The following IRAK1BP1 variants were observed in gnomAD, a reference collection of about 807,000 sequenced individuals.
IRAK1BP1 encodes the protein interleukin-1 receptor-associated kinase 1-binding protein 1.
IRAK1BP1 carries 24 observed loss-of-function variants against 28.0 expected under a neutral mutation model. The ratio of observed to expected loss-of-function variants is 0.86; its 90% CI spans 0.62 to 1.20. The LOEUF (loss-of-function observed/expected upper bound fraction) is 1.20, where lower values mean the gene tolerates loss of function less well. IRAK1BP1 is among the 50% of genes most tolerant of loss of function. The pLI, the probability that IRAK1BP1 is intolerant of heterozygous loss-of-function variation, is 0.00. For synonymous variants in IRAK1BP1, 131 were observed against 116.3 expected, an observed-to-expected ratio of 1.13 and a Z score of -0.81; for missense variants, 336 against 316.7, an observed-to-expected ratio of 1.06 and a Z score of -0.46.
At chr6:78,879,434 AAAAC>A (rs1435347629) in intron 1 of IRAK1BP1, among the ~76,000 whole-genome samples, 2 of 152,194 alleles carry the variant, frequency 1.3e-5, no homozygotes. Flanking sequence ...TTCAGAGAGA[AAAAC>A]AATAGAAGTG....
At chr6:78,978,755 G>C in the IRAK1BP1 span, 1 of 1,481,716 alleles carries the variant, frequency 6.7e-7, no homozygotes, top group South Asian at 1.2e-5. Context: ...AATCAAAAAA[G>C]CATTAATCCA....
chr6:78,903,668 A>G (rs1772180469), downstream of IRAK1BP1, among the ~76,000 whole-genome samples: 1 of 152,018 alleles, frequency 6.6e-6, no homozygotes, highest in Non-Finnish European at 1.5e-5. Context: ...TTAAAAAAAA[A>G]AAAGCCTCCC....
At chr6:78,970,557 T>G in the IRAK1BP1 span, among the ~76,000 whole-genome samples, 1 of 152,138 alleles carries the variant, frequency 6.6e-6, no homozygotes, top group Non-Finnish European at 1.5e-5. Flanking sequence ...ATAACTAAAT[T>G]TTGTACCCAA....
chr6:78,970,730 A>G, the IRAK1BP1 span: 1 of 1,196,310 alleles, frequency 8.4e-7, no homozygotes, highest in Non-Finnish European at 1.2e-6. Context: ...ATTTTCTCCA[A>G]ATTCCATAAT....
intron 4 of IRAK1BP1, among the ~76,000 whole-genome samples, chr6:78,930,886 G>A (rs750000695): frequency 4.0e-5 from 6 of 151,790 alleles, no homozygotes; most frequent in Non-Finnish European, 5.9e-5. Flanking sequence ...AGCCGAGATC[G>A]CACCACTGCA....
At chr6:78,880,438 A>G (rs1247987668) in intron 1 of IRAK1BP1, among the ~76,000 whole-genome samples, 2 of 152,246 alleles carry the variant, frequency 1.3e-5, no homozygotes, top group Admixed American at 1.3e-4. Context: ...AGCACAGTCC[A>G]TGAAACAAAC....
At chr6:78,968,712 T>C in the IRAK1BP1 span, among the ~76,000 whole-genome samples, 7 of 147,680 alleles carry the variant, frequency 4.7e-5, no homozygotes, top group Non-Finnish European at 9.0e-5. Flanking sequence ...TCCTTCCTTA[T>C]ATAATTTTGT....
the IRAK1BP1 span, among the ~76,000 whole-genome samples, chr6:78,962,472 G>A: frequency 1.2e-4 from 19 of 152,024 alleles, no homozygotes; most frequent in Non-Finnish European, 4.4e-5. Context: ...CTTCAGATTT[G>A]AATATTCCTC....
the IRAK1BP1 span, among the ~76,000 whole-genome samples, chr6:78,977,949 T>G: frequency 6.6e-6 from 1 of 152,164 alleles, no homozygotes; most frequent in Non-Finnish European, 1.5e-5. Flanking sequence ...ATTCCCAATT[T>G]ATTTATGGTC....
chr6:78,955,902 A>C, the IRAK1BP1 span: 1 of 285,012 alleles, frequency 3.5e-6, no homozygotes, highest in South Asian at 1.6e-4. Flanking sequence ...ATTACACCAA[A>C]CCCAAGTCTC....
At chr6:78,906,201 C>T, downstream of IRAK1BP1, among the ~76,000 whole-genome samples, 1 of 151,854 alleles carries the variant, frequency 6.6e-6, no homozygotes, top group Non-Finnish European at 1.5e-5. Context: ...ATAAATTATC[C>T]TCAGGTATAT....
chr6:78,867,952 C>A, intron 1 of IRAK1BP1, 61 bp downstream of exon 1: 1 of 1,466,996 alleles, frequency 6.8e-7, no homozygotes, highest in South Asian at 1.4e-5. Context: ...GGCAGATGGT[C>A]GGGCCCCACA....
At chr6:78,926,161 T>C (rs1338207814) in intron 4 of IRAK1BP1, among the ~76,000 whole-genome samples, 1 of 151,928 alleles carries the variant, frequency 6.6e-6, no homozygotes, top group Admixed American at 6.6e-5. Context: ...TACTAAAAAG[T>C]CAAAAAACAA....
chr6:78,931,358 G>C (rs1179587390), intron 4 of IRAK1BP1, among the ~76,000 whole-genome samples: 1 of 151,872 alleles, frequency 6.6e-6, no homozygotes, highest in African/African-American at 2.4e-5. Flanking sequence ...GTTGCAGTGA[G>C]CTACGATTTG....
At chr6:78,951,056 T>C (rs1774112724), downstream of IRAK1BP1, among the ~76,000 whole-genome samples, 1 of 152,132 alleles carries the variant, frequency 6.6e-6, no homozygotes, top group Non-Finnish European at 1.5e-5. Context: ...TTTAATTGAG[T>C]TCAATGCATT....
Position 78,867,779 on chromosome 6 carries a change from C to G in IRAK1BP1, c.203C>G (p.Ala68Gly). ...TSEVSAGPDR[A>G]QVVVRVSSTK... ...GAAGTGTCTGCGGGCCCTGACCGGGCGCAGGTGGTGGTGCGAGTGAGCAGC... is the reference window on the plus strand; with the variant it reads ...GAAGTGTCTGCGGGCCCTGACCGGGGGCAGGTGGTGGTGCGAGTGAGCAGC... The change falls in exon 1 of 4, where the codon GCG becomes GGG. Residue 68 changes from alanine (A) to glycine (G), a missense_variant. Physicochemically the swap from Ala to Gly is moderately conservative, Grantham distance 60 (BLOSUM62 0). Coordinates refer to ENST00000369940, the MANE Select transcript of IRAK1BP1 (RefSeq NM_001010844.4). The G allele has an allele frequency of 6.2e-7, 1 of 1,613,972 alleles. No individual in the cohort carries two copies. The highest frequency in any genetic ancestry group is 8.5e-7 in the Non-Finnish European group (1 of 1,179,956).
chr6:78,912,926 C>A lies in IRAK1BP1; in HGVS notation c.*67+9816C>A, dbSNP rs139410779. Among the ~76,000 whole-genome samples the A allele has an allele frequency of 6.4e-4, 97 of 152,212 alleles. 1 individual carries two copies. In the South Asian group the frequency reaches 8.1e-3, roughly 13 times the overall value. Reference sequence around the variant, plus strand: ...TATCTGCAATTTATTAAATTTATTACATAAATATTTGAATGTTTATAATTC... The same window carrying A: ...TATCTGCAATTTATTAAATTTATTAAATAAATATTTGAATGTTTATAATTC... On this transcript the variant is annotated intron_variant and NMD_transcript_variant, in intron 4 of 4. Coordinates refer to the IRAK1BP1 transcript ENST00000606868.
At chr6:78,959,347 A>C in the IRAK1BP1 span, among the ~76,000 whole-genome samples, 1 of 152,174 alleles carries the variant, frequency 6.6e-6, no homozygotes, top group Non-Finnish European at 1.5e-5. Context: ...TGGACATAGA[A>C]ACATAAAGAA....
intron 4 of IRAK1BP1, among the ~76,000 whole-genome samples, chr6:78,911,767 T>C (rs1772428863): frequency 6.6e-6 from 1 of 152,316 alleles, no homozygotes; most frequent in South Asian, 2.1e-4. Flanking sequence ...TTATGAATAC[T>C]GTACTACCAT....
Sources: gnomAD v4.1 joint callset for allele counts (sites outside exome capture counted in the v4.1 genomes callset) on GRCh38, gnomAD v4.1.1 for gene constraint, MANE v1.5 for transcripts, NCBI Gene and HGNC (gene_info 2026-07-23, HGNC 2026-07-21) for gene names.